Variants in GRIN2B observed in about 807,000 individuals in gnomAD.
GRIN2B encodes the protein glutamate receptor ionotropic, NMDA 2B.
GRIN2B carries 5 observed loss-of-function variants against 114.5 expected under a neutral mutation model. The ratio of observed to expected loss-of-function variants is 0.04; its 90% confidence interval spans 0.02 to 0.09. The LOEUF is 0.09. Among genes scored for constraint, GRIN2B ranks in the 10% least tolerant of loss-of-function variants. GRIN2B has a pLI of 1.00. For synonymous variants in GRIN2B, 787 were observed against 745.1 expected (o/e 1.06, Z -0.92); for missense variants, 1,108 against 1,943.5 (o/e 0.57, Z 8.08).
chr12:13,568,783 T>A (rs958815861), intron 12 of GRIN2B, among the ~76,000 whole-genome samples: 1 of 152,202 alleles, frequency 6.6e-6, no homozygotes, highest in African/African-American at 2.4e-5. Context: ...AGTTTCTTTG[T>A]ACAATAAAGT....
rs1243802669 is a variant in GRIN2B, at chr12:13,711,255, G to C, written c.1011-35396C>G. ...AGATGGATTAAAGACTTACATGTTA[G>C]ACCTAAAACCATAAAAACCCTAGAA... On this transcript the variant is annotated intron_variant, in intron 4 of 13. Transcript: ENST00000609686. Among the ~76,000 whole-genome samples, 3 of 151,862 alleles carry C rather than the reference G, an allele frequency of 2.0e-5. No individual in the cohort carries two copies. In the East Asian group the frequency reaches 5.9e-4, roughly 30 times the overall value.
At chr12:13,955,611 C>G (rs984503618) in intron 2 of GRIN2B, among the ~76,000 whole-genome samples, 6 of 152,142 alleles carry the variant, frequency 3.9e-5, no homozygotes, top group Admixed American at 1.3e-4. Flanking sequence ...AGTTATGCAT[C>G]CAAATAATTT....
At chr12:13,598,039 G>C (rs1949098505) in intron 10 of GRIN2B, among the ~76,000 whole-genome samples, 1 of 152,198 alleles carries the variant, frequency 6.6e-6, no homozygotes, top group Non-Finnish European at 1.5e-5. Flanking sequence ...TGGGGTGGAA[G>C]GCAGTGGTGT....
At chr12:13,604,494 G>GATACATC (rs1017434180) in intron 10 of GRIN2B, among the ~76,000 whole-genome samples, 5 of 152,136 alleles carry the variant, frequency 3.3e-5, no homozygotes, top group Non-Finnish European at 7.3e-5. Flanking sequence ...TTATATGGAA[G>GATACATC]ATACATCATC....
intron 5 of GRIN2B, among the ~76,000 whole-genome samples, chr12:13,667,618 A>G (rs1335252255): frequency 6.6e-6 from 1 of 152,208 alleles, no homozygotes; most frequent in Non-Finnish European, 1.5e-5. Context: ...ACAGTGTAAT[A>G]TTCGGCATTA....
chr12:13,886,166 T>C (rs1866153088), intron 2 of GRIN2B, among the ~76,000 whole-genome samples: 1 of 152,222 alleles, frequency 6.6e-6, no homozygotes, highest in South Asian at 2.1e-4. Flanking sequence ...ACCAGATCAG[T>C]TCACACCGTG....
At chr12:13,780,086 C>CCA (rs1864078992) in intron 3 of GRIN2B, among the ~76,000 whole-genome samples, 1 of 152,136 alleles carries the variant, frequency 6.6e-6, no homozygotes, top group Non-Finnish European at 1.5e-5. Context: ...CATTTCTCAG[C>CCA]CACTGCTTTT....
At chr12:13,720,106 T>C (rs1037013974) in intron 4 of GRIN2B, among the ~76,000 whole-genome samples, 1 of 151,904 alleles carries the variant, frequency 6.6e-6, no homozygotes, top group African/African-American at 2.4e-5. Flanking sequence ...CCTGGGCTAA[T>C]GGAGATGTAG....
chr12:13,675,079 T>C (rs1007479623), intron 5 of GRIN2B, among the ~76,000 whole-genome samples: 3 of 152,200 alleles, frequency 2.0e-5, no homozygotes, highest in Admixed American at 2.0e-4. Flanking sequence ...GTGCTTACTA[T>C]GAACCAGGCA....
At chr12:13,932,000 A>T (rs952354232) in intron 2 of GRIN2B, among the ~76,000 whole-genome samples, 16 of 152,202 alleles carry the variant, frequency 1.1e-4, no homozygotes, top group Non-Finnish European at 1.9e-4. Flanking sequence ...AACATCCTCC[A>T]ATCATCCTCT....
At chr12:13,691,608 T>C (rs756361324) in intron 4 of GRIN2B, among the ~76,000 whole-genome samples, 4 of 152,090 alleles carry the variant, frequency 2.6e-5, no homozygotes, top group African/African-American at 4.8e-5. Flanking sequence ...ACACATTCGA[T>C]ATGATTGGGG....
At chr12:13,738,127 T>C (rs543980492) in intron 4 of GRIN2B, among the ~76,000 whole-genome samples, 3 of 124,094 alleles carry the variant, frequency 2.4e-5, no homozygotes, top group African/African-American at 9.4e-5. Flanking sequence ...CACCATTTCT[T>C]TTCTTACCTT....
intron 5 of GRIN2B, among the ~76,000 whole-genome samples, chr12:13,628,411 T>A (rs979233537): frequency 5.9e-5 from 9 of 152,214 alleles, no homozygotes; most frequent in African/African-American, 2.2e-4. Context: ...CATTACACCC[T>A]CTTCATGATC....
intron 2 of GRIN2B, among the ~76,000 whole-genome samples, chr12:13,901,126 T>G (rs767920799): frequency 1.4e-4 from 21 of 152,156 alleles, no homozygotes; most frequent in Admixed American, 5.9e-4. Flanking sequence ...TCTTCTACAT[T>G]CTCACCAACA....
chr12:13,840,212 C>T (rs887492639), intron 3 of GRIN2B, among the ~76,000 whole-genome samples: 15 of 152,202 alleles, frequency 9.9e-5, no homozygotes, highest in African/African-American at 3.6e-4. Context: ...GGGCCAACTT[C>T]ACTCCCTCTG....
chr12:13,656,345 G>A (rs184416173), intron 5 of GRIN2B, among the ~76,000 whole-genome samples: 4 of 152,298 alleles, frequency 2.6e-5, no homozygotes, highest in Admixed American at 2.6e-4. Context: ...CAAACAAAAA[G>A]AGACTGTTTT....
chr12:13,622,979 C>A (rs1021254178), intron 5 of GRIN2B, among the ~76,000 whole-genome samples: 2 of 152,184 alleles, frequency 1.3e-5, no homozygotes, highest in Admixed American at 6.5e-5. Context: ...TCTTTGTAAC[C>A]AAGTGAACAT....
chr12:13,682,840 G>T (rs1296072663), intron 4 of GRIN2B, among the ~76,000 whole-genome samples: 2 of 152,038 alleles, frequency 1.3e-5, no homozygotes, highest in Admixed American at 1.3e-4. Context: ...AGCCCCCTTG[G>T]CCTAACAATA....
intron 10 of GRIN2B, among the ~76,000 whole-genome samples, chr12:13,580,774 A>G (rs1400191455): frequency 6.6e-6 from 1 of 152,210 alleles, no homozygotes; most frequent in Non-Finnish European, 1.5e-5. Context: ...CACCGCCACA[A>G]TCAAGACACA....
Sources: gnomAD v4.1 joint callset for allele counts (sites outside exome capture counted in the v4.1 genomes callset) on GRCh38, gnomAD v4.1.1 for gene constraint, MANE v1.5 for transcripts, NCBI Gene and HGNC (gene_info 2026-07-23, HGNC 2026-07-21) for gene names.